The following FSTL5 variants were observed in gnomAD, a reference collection of about 807,000 sequenced individuals.
The protein encoded by FSTL5 is follistatin-related protein 5.
Under a neutral mutation model 89.1 loss-of-function variants are expected in FSTL5, and 62 were observed. The observed-to-expected ratio is 0.70, with a 90% CI of 0.57 to 0.86. FSTL5 has a LOEUF of 0.86. Ranked by LOEUF, FSTL5 falls within the 40% of genes least tolerant of loss-of-function variation. FSTL5 has a pLI of 0.00. For missense variants in FSTL5, 1,057 were observed against 1,001.6 expected, an observed-to-expected ratio of 1.06 and a Z score of -0.75; for synonymous variants, 383 against 346.2, an observed-to-expected ratio of 1.11 and a Z score of -1.18.
At chr4:161,694,565 C>G (rs1738070240) in intron 6 of FSTL5, among the ~76,000 whole-genome samples, 1 of 151,944 alleles carries the variant, frequency 6.6e-6, no homozygotes, top group South Asian at 2.1e-4. Flanking sequence ...AATATTTATT[C>G]ATGGTTACCT....
intron 4 of FSTL5, among the ~76,000 whole-genome samples, chr4:161,784,283 G>A (rs922731842): frequency 2.6e-5 from 4 of 151,958 alleles, no homozygotes; most frequent in African/African-American, 7.2e-5. Flanking sequence ...AGTTTTGATT[G>A]TAGCAGCCTG....
chr4:162,101,505 T>C (rs1730996529), intron 2 of FSTL5, among the ~76,000 whole-genome samples: 1 of 152,208 alleles, frequency 6.6e-6, no homozygotes, highest in Non-Finnish European at 1.5e-5. Flanking sequence ...CTGGGTTCCA[T>C]TCTCGGCTGA....
chr4:161,793,089 T>C (rs1298621461), intron 4 of FSTL5, among the ~76,000 whole-genome samples: 1 of 152,228 alleles, frequency 6.6e-6, no homozygotes, highest in African/African-American at 2.4e-5. Context: ...GTGGAAGCTG[T>C]GTGCAGTACA....
chr4:161,870,091 G>T (rs571464551), intron 4 of FSTL5, among the ~76,000 whole-genome samples: 62 of 152,290 alleles, frequency 4.1e-4, no homozygotes, highest in Non-Finnish European at 7.4e-4. Flanking sequence ...TAGAATGAGT[G>T]TTGGAATTTG....
intron 6 of FSTL5, among the ~76,000 whole-genome samples, chr4:161,682,892 A>ACG (rs1560787450): frequency 2.2e-4 from 33 of 151,960 alleles, no homozygotes; most frequent in East Asian, 2.1e-3. Context: ...GATTACAGGC[A>ACG]TGCACCACCA....
At chr4:161,549,699 G>A (rs1314424546) in intron 8 of FSTL5, among the ~76,000 whole-genome samples, 1 of 151,924 alleles carries the variant, frequency 6.6e-6, no homozygotes, top group Non-Finnish European at 1.5e-5. Context: ...GGACATAAAA[G>A]TTTTGTTCAC....
At chr4:161,867,912 T>A (rs1421825804) in intron 4 of FSTL5, among the ~76,000 whole-genome samples, 1 of 151,966 alleles carries the variant, frequency 6.6e-6, no homozygotes, top group South Asian at 2.1e-4. Flanking sequence ...TTCAATTAGG[T>A]CAATTTAATA....
At chr4:161,891,879 T>A (rs936852825) in intron 4 of FSTL5, among the ~76,000 whole-genome samples, 7 of 152,052 alleles carry the variant, frequency 4.6e-5, no homozygotes, top group Admixed American at 3.9e-4. Context: ...CTTCTATTGT[T>A]CTGTGGACAT....
intron 6 of FSTL5, among the ~76,000 whole-genome samples, chr4:161,692,973 T>C (rs1233948354): frequency 1.3e-5 from 2 of 152,112 alleles, no homozygotes; most frequent in Non-Finnish European, 2.9e-5. Flanking sequence ...CTGCCTGCCT[T>C]GTCCTCCCAA....
rs1391151628 is a variant in FSTL5, at chr4:161,538,316, A to C, written c.1178-16T>G. On this transcript the variant is annotated splice_polypyrimidine_tract_variant and intron_variant, in intron 9 of 15. Coordinates refer to ENST00000306100, the MANE Select transcript of FSTL5 (RefSeq NM_020116.5). ...CTGCCATTTGCTGAAAAAAGAAGGG[A>C]AATGCAACTTGTAAACTACAATTTC... 5.0e-6 allele frequency: 8 copies of C among 1,613,338 alleles called. No homozygotes were observed. The highest frequency in any genetic ancestry group is 6.8e-6 in the Non-Finnish European group (8 of 1,179,468).
chr4:162,044,912 T>C (rs1738114154), intron 2 of FSTL5, among the ~76,000 whole-genome samples: 1 of 152,190 alleles, frequency 6.6e-6, no homozygotes. Flanking sequence ...CTCCAAATTA[T>C]GCTTTGGCTT....
In FSTL5 at chr4:161,447,309, A is replaced by T. The variant is rs562003016; in HGVS notation, c.1841+7695T>A. ...CTTCCTTTTTAAAATAATTACATAT[A>T]TATATATTAAAAATAACTTGTTCTT... On this transcript the variant is annotated intron_variant, in intron 15 of 15. Coordinates refer to ENST00000306100, the MANE Select transcript of FSTL5 (RefSeq NM_020116.5). Among the ~76,000 whole-genome samples, 4 of 152,218 alleles carry T rather than the reference A, an allele frequency of 2.6e-5. No homozygotes were observed. In the East Asian group the frequency reaches 7.7e-4, roughly 29 times the overall value.
chr4:162,064,233 A>C (rs181813654), intron 2 of FSTL5, among the ~76,000 whole-genome samples: 1 of 152,160 alleles, frequency 6.6e-6, no homozygotes, highest in East Asian at 1.9e-4. Context: ...ATTTTTACCA[A>C]AAATAACCTT....
intron 6 of FSTL5, among the ~76,000 whole-genome samples, chr4:161,753,723 T>G (rs1740474934): frequency 6.6e-6 from 1 of 152,156 alleles, no homozygotes; most frequent in African/African-American, 2.4e-5. Flanking sequence ...TTCCTCATAA[T>G]GTCATTAACA....
At chr4:161,676,747 GCACA>G (rs148353944) in intron 6 of FSTL5, among the ~76,000 whole-genome samples, 18 of 143,314 alleles carry the variant, frequency 1.3e-4, no homozygotes, top group Admixed American at 5.6e-4. Flanking sequence ...ATACATACAC[GCACA>G]CACACACACA....
At chr4:161,678,525 G>T (rs1242617941) in intron 6 of FSTL5, among the ~76,000 whole-genome samples, 7 of 151,818 alleles carry the variant, frequency 4.6e-5, no homozygotes, top group Admixed American at 4.6e-4. Context: ...AATTAAAAGA[G>T]TCAAGTTGGA....
intron 4 of FSTL5, among the ~76,000 whole-genome samples, chr4:161,820,598 A>G (rs1218682046): frequency 2.0e-5 from 3 of 152,188 alleles, no homozygotes; most frequent in African/African-American, 7.2e-5. Flanking sequence ...ATGGAAAATT[A>G]GCAGTAGTGA....
At chr4:161,488,512 G>T (rs1046316872) in intron 12 of FSTL5, among the ~76,000 whole-genome samples, 3 of 151,902 alleles carry the variant, frequency 2.0e-5, no homozygotes, top group African/African-American at 7.3e-5. Flanking sequence ...GTATTAGAGA[G>T]GTTAAAAAAA....
rs72681763 is a variant in FSTL5, at chr4:161,395,959, G to A, written c.1842-9510C>T. On this transcript the variant is annotated intron_variant, in intron 15 of 15. Transcript: ENST00000306100. ...CCTACCTGCCAGTATCAATGCCCTT[G>A]GGTAGTCCTCTCCCACACTGACCCT... 2.8e-3 allele frequency among the ~76,000 whole-genome samples: 420 copies of A among 152,078 alleles called. 1 individual carries two copies. The highest frequency in any genetic ancestry group is 4.7e-3 in the Non-Finnish European group (317 of 68,000).
Sources: allele counts gnomAD v4.1 joint callset (sites outside exome capture counted in the v4.1 genomes callset), GRCh38; gene constraint gnomAD v4.1.1; transcripts MANE v1.5; gene names NCBI Gene and HGNC (gene_info 2026-07-23, HGNC 2026-07-21).